The following FHIT variants were observed in gnomAD, a reference collection of about 807,000 sequenced individuals.
FHIT encodes bis(5'-adenosyl)-triphosphatase.
A neutral mutation model predicts 17.9 loss-of-function variants in FHIT; 19 were observed. The observed-to-expected ratio is 1.06, with a 90% confidence interval of 0.74 to 1.56. The LOEUF (loss-of-function observed/expected upper bound fraction) is 1.56. FHIT is among the 40% of genes most tolerant of loss of function. The pLI is 0.00. For synonymous variants in FHIT, 81 were observed against 69.7 expected, an observed-to-expected ratio of 1.16 and a Z score of -0.81; for missense variants, 248 against 189.2, an observed-to-expected ratio of 1.31 and a Z score of -1.82.
intron 4 of FHIT, among the ~76,000 whole-genome samples, chr3:60,795,402 T>TA (rs1700944534): frequency 6.6e-6 from 1 of 152,302 alleles, no homozygotes; most frequent in East Asian, 1.9e-4. Flanking sequence ...TTTACCTGTT[T>TA]AAAAAATACA....
intron 5 of FHIT, among the ~76,000 whole-genome samples, chr3:60,349,943 C>T (rs1350832098): frequency 6.6e-6 from 1 of 152,166 alleles, no homozygotes; most frequent in Non-Finnish European, 1.5e-5. Flanking sequence ...TTTCCTGATT[C>T]ATTCTCTTGT....
At chr3:60,714,400 T>A (rs559864653) in intron 4 of FHIT, among the ~76,000 whole-genome samples, 77 of 152,050 alleles carry the variant, frequency 5.1e-4, no homozygotes, top group African/African-American at 1.8e-3. Flanking sequence ...CTCTCACCAC[T>A]CCTATTCAAC....
At chr3:60,439,505 T>C (rs1336858461) in intron 5 of FHIT, among the ~76,000 whole-genome samples, 3 of 152,052 alleles carry the variant, frequency 2.0e-5, no homozygotes, top group Non-Finnish European at 4.4e-5. Context: ...ACCCTGCTTT[T>C]AGTTTTGGGT....
intron 2 of FHIT, among the ~76,000 whole-genome samples, chr3:61,046,167 C>CA (rs1402370743): frequency 6.6e-6 from 1 of 151,738 alleles, no homozygotes; most frequent in East Asian, 1.9e-4. Context: ...GATAGAGACG[C>CA]AAAAAACCCT....
At chr3:60,342,134 G>C (rs935225009) in intron 5 of FHIT, among the ~76,000 whole-genome samples, 1 of 152,182 alleles carries the variant, frequency 6.6e-6, no homozygotes, top group East Asian at 1.9e-4. Flanking sequence ...ACTTCCCCTG[G>C]CTTCACCCTG....
intron 4 of FHIT, among the ~76,000 whole-genome samples, chr3:60,641,510 C>T (rs1489863283): frequency 1.3e-5 from 2 of 152,040 alleles, no homozygotes; most frequent in Admixed American, 6.6e-5. Context: ...CTCAGGGGCC[C>T]AGAAACATGA....
At position 60,792,301 on chromosome 3, in the gene FHIT, C is replaced by A. The variant is rs75193339; in HGVS notation, c.-18+29618G>T. Among the ~76,000 whole-genome samples the A allele has an allele frequency of 1.5e-3, 227 of 152,172 alleles. 2 individuals are homozygous for A. The East Asian group carries it at 0.038, about 26-fold the overall frequency. On this transcript the variant is annotated intron_variant, in intron 4 of 9. Transcript: ENST00000492590. ...GTATGTGTGTTATGCTATAAATTACCCTGTTGGTGGGTGTAAAAATAAATA... is the reference window on the plus strand; with the variant it reads ...GTATGTGTGTTATGCTATAAATTACACTGTTGGTGGGTGTAAAAATAAATA...
At chr3:60,474,183 G>A (rs1317872669) in intron 5 of FHIT, among the ~76,000 whole-genome samples, 1 of 152,192 alleles carries the variant, frequency 6.6e-6, no homozygotes, top group Non-Finnish European at 1.5e-5. Flanking sequence ...GGTCAACCCT[G>A]ACTGCACCAG....
intron 8 of FHIT, among the ~76,000 whole-genome samples, chr3:59,811,853 C>T (rs957371742): frequency 1.3e-5 from 2 of 152,166 alleles, no homozygotes; most frequent in Non-Finnish European, 2.9e-5. Context: ...GAGCAAGGCA[C>T]ATTTGGTCTT....
chr3:60,542,086 G>A (rs1051489545), intron 4 of FHIT, among the ~76,000 whole-genome samples: 5 of 152,070 alleles, frequency 3.3e-5, no homozygotes, highest in African/African-American at 1.2e-4. Flanking sequence ...AAAATACACA[G>A]GGCCCTTATA....
intron 5 of FHIT, among the ~76,000 whole-genome samples, chr3:60,237,822 G>T (rs561653677): frequency 6.6e-6 from 1 of 152,190 alleles, no homozygotes; most frequent in African/African-American, 2.4e-5. Flanking sequence ...AGAAGCAGCT[G>T]GTTAGAGGCA....
chr3:59,854,359 G>T (rs1702065706), intron 8 of FHIT, among the ~76,000 whole-genome samples: 1 of 152,124 alleles, frequency 6.6e-6, no homozygotes, highest in Admixed American at 6.5e-5. Context: ...TTGAAGCTCG[G>T]TATTGTGCTT....
chr3:60,787,765 T>C (rs1559722462), intron 4 of FHIT, among the ~76,000 whole-genome samples: 1 of 152,336 alleles, frequency 6.6e-6, no homozygotes, highest in East Asian at 1.9e-4. Context: ...TCACCCAACA[T>C]GTACATTCCC....
rs368761192 is a variant in FHIT at position 59,804,994 on chromosome 3, T to C, written c.349-52673A>G. Reference sequence around the variant, plus strand: ...TCTAATCTTAGAGTCTAGTGTAGGCTTCAGGGGAGAGGGAGCTAAGGCGGC... The same window carrying C: ...TCTAATCTTAGAGTCTAGTGTAGGCCTCAGGGGAGAGGGAGCTAAGGCGGC... On this transcript the variant is annotated intron_variant, in intron 8 of 9. Transcript: ENST00000492590. Among the ~76,000 whole-genome samples, 303 of 152,220 alleles carry C rather than the reference T, an allele frequency of 2.0e-3. 10 individuals carry two copies. Among genetic ancestry groups the C allele is most frequent in the Middle Eastern group, 0.01 (3 of 294 alleles).
intron 4 of FHIT, among the ~76,000 whole-genome samples, chr3:60,749,189 T>A (rs1422552515): frequency 6.6e-6 from 1 of 152,186 alleles, no homozygotes; most frequent in Non-Finnish European, 1.5e-5. Flanking sequence ...AGAGAGGATA[T>A]TTATGATATA....
At chr3:59,898,133 G>A (rs146588945) in intron 8 of FHIT, among the ~76,000 whole-genome samples, 4 of 152,242 alleles carry the variant, frequency 2.6e-5, no homozygotes, top group Admixed American at 6.5e-5. Context: ...GTAGTGTTAT[G>A]ATGGGTCACA....
Position 61,026,573 on chromosome 3 carries a change from G to A in FHIT, c.-111+15474C>T, listed in dbSNP as rs549194380. Among the ~76,000 whole-genome samples the A allele has an allele frequency of 5.3e-5, 8 of 152,166 alleles. No homozygotes were observed. The South Asian group carries it at 1.7e-3, about 32-fold the overall frequency. On this transcript the variant is annotated intron_variant, in intron 3 of 9. Coordinates refer to ENST00000492590, the MANE Select transcript of FHIT (RefSeq NM_002012.4). ...AAACTTGTCCAACCTGCAGCCCACA[G>A]GCTGCACACAGCTCAGGACAGCTTA...
intron 5 of FHIT, among the ~76,000 whole-genome samples, chr3:60,255,449 G>A (rs923535939): frequency 1.3e-4 from 20 of 152,034 alleles, no homozygotes; most frequent in African/African-American, 4.3e-4. Context: ...CTTGCTCTGA[G>A]GATAATAGGG....
intron 4 of FHIT, among the ~76,000 whole-genome samples, chr3:60,715,005 G>A (rs1398584194): frequency 2.0e-5 from 3 of 152,034 alleles, no homozygotes; most frequent in Non-Finnish European, 2.9e-5. Context: ...GAACAAAGTT[G>A]GAGGCATCAT....
Sources: allele counts gnomAD v4.1 joint callset (sites outside exome capture counted in the v4.1 genomes callset), GRCh38; gene constraint gnomAD v4.1.1; transcripts MANE v1.5; gene names NCBI Gene and HGNC (gene_info 2026-07-23, HGNC 2026-07-21).